SPECC1: variants seen among roughly 807,000 people sequenced by gnomAD.
The protein encoded by SPECC1 is cytospin-B.
A neutral mutation model predicts 104.1 loss-of-function variants in SPECC1; 62 were observed. That is an observed-to-expected ratio of 0.60 (90% CI 0.49 to 0.74). The LOEUF (loss-of-function observed/expected upper bound fraction) is 0.74. Among genes scored for constraint, SPECC1 ranks in the 30% least tolerant of loss-of-function variants. The pLI is 0.00. For missense variants in SPECC1, 1,306 were observed against 1,310.5 expected, an observed-to-expected ratio of 1.00 and a Z score of 0.05; for synonymous variants, 513 against 501.6, an observed-to-expected ratio of 1.02 and a Z score of -0.30.
At position 20,249,771 on chromosome 17, in the gene SPECC1, G is replaced by C. The variant is rs1301832355; in HGVS notation, c.2598+2452G>C. The stretch of plus-strand genomic sequence containing the variant: ...GTATAAATATCTGAACTGAAGCACA[G>C]AGAAAAAGGATAGGAAATAGAGAAA... On this transcript the variant is annotated intron_variant, in intron 9 of 14. Transcript: ENST00000395527. 2.0e-5 allele frequency among the ~76,000 whole-genome samples: 3 copies of C among 152,120 alleles called. No homozygotes were observed. In the East Asian group the frequency reaches 5.8e-4, roughly 29 times the overall value.
chr17:20,027,619 G>A (rs1319503984), intron 1 of SPECC1, among the ~76,000 whole-genome samples: 1 of 152,028 alleles, frequency 6.6e-6, no homozygotes, highest in Non-Finnish European at 1.5e-5. Context: ...GAGAGATAGG[G>A]GTCTAGTTTT....
At chr17:20,203,616 C>G (rs2036576821) in intron 3 of SPECC1, among the ~76,000 whole-genome samples, 1 of 152,204 alleles carries the variant, frequency 6.6e-6, no homozygotes, top group African/African-American at 2.4e-5. Context: ...TCAGTATTAT[C>G]TGTATCTTCT....
intron 12 of SPECC1, among the ~76,000 whole-genome samples, chr17:20,288,346 G>C (rs939085578): frequency 3.3e-5 from 5 of 151,882 alleles, no homozygotes; most frequent in Non-Finnish European, 5.9e-5. Context: ...TTTTCTTCTA[G>C]ATCTTTGAGG....
intron 1 of SPECC1, among the ~76,000 whole-genome samples, chr17:20,078,928 G>A (rs1041172571): frequency 2.0e-5 from 3 of 152,170 alleles, no homozygotes; most frequent in African/African-American, 7.2e-5. Context: ...CTGAATTTGT[G>A]CATTTGTATA....
intron 3 of SPECC1, among the ~76,000 whole-genome samples, chr17:20,123,271 T>C (rs1030719756): frequency 9.9e-5 from 15 of 152,240 alleles, no homozygotes; most frequent in Admixed American, 2.0e-4. Context: ...GTCACTATTT[T>C]AAACTGATAT....
At chr17:20,116,613 G>A (rs1365700189) in intron 3 of SPECC1, among the ~76,000 whole-genome samples, 1 of 151,964 alleles carries the variant, frequency 6.6e-6, no homozygotes, top group Non-Finnish European at 1.5e-5. Context: ...ATTAAACTTA[G>A]TACAAGATAT....
chr17:20,051,074 T>TTCTTTC (rs144194695), intron 1 of SPECC1, among the ~76,000 whole-genome samples: 4 of 64,286 alleles, frequency 6.2e-5, no homozygotes, highest in South Asian at 6.5e-4. Context: ...TTCTTTTTCT[T>TTCTTTC]TCTTTCTTTC....
At chr17:20,239,344 CA>C (rs141841808) in intron 7 of SPECC1, 65,473 of 956,284 alleles carry the variant, frequency 0.068, 2,445 homozygotes, top group Non-Finnish European at 0.076. Context: ...TCAGTGTTAA[CA>C]GTGTGTACAT....
At chr17:20,255,664 C>G (rs2039798749) in intron 10 of SPECC1, among the ~76,000 whole-genome samples, 1 of 152,154 alleles carries the variant, frequency 6.6e-6, no homozygotes, top group Non-Finnish European at 1.5e-5. Flanking sequence ...CATCTGGCCT[C>G]AAATGATCCT....
At chr17:20,211,973 T>C (rs1397564341) in intron 4 of SPECC1, among the ~76,000 whole-genome samples, 1 of 152,194 alleles carries the variant, frequency 6.6e-6, no homozygotes, top group African/African-American at 2.4e-5. Flanking sequence ...CCAGTCCGAG[T>C]TCTTGGGAAG....
chr17:20,268,185 A>G lies in SPECC1; in HGVS notation c.2940+7891A>G, dbSNP rs543247427. 2.6e-5 allele frequency among the ~76,000 whole-genome samples: 4 copies of G among 152,274 alleles called. No homozygotes were observed. In the South Asian group the frequency reaches 8.3e-4, roughly 32 times the overall value. On this transcript the variant is annotated intron_variant, in intron 12 of 14. Transcript: ENST00000395527. ...GTATCTGTTCCACTTTTGAAATTGT[A>G]TGGCAAGAATTCAGATAGCAGGCGA...
chr17:20,097,352 G>A (rs2047701085), intron 2 of SPECC1, among the ~76,000 whole-genome samples: 1 of 152,174 alleles, frequency 6.6e-6, no homozygotes, highest in Admixed American at 6.5e-5. Flanking sequence ...GCAAAGCCTA[G>A]TGCCTCCTTA....
intron 4 of SPECC1, among the ~76,000 whole-genome samples, chr17:20,218,345 G>C (rs902442416): frequency 1.3e-5 from 2 of 151,976 alleles, no homozygotes; most frequent in African/African-American, 4.8e-5. Flanking sequence ...GGAATACAAG[G>C]CTTGATTCAC....
chr17:20,043,962 G>A (rs62067482), intron 1 of SPECC1, among the ~76,000 whole-genome samples: 34,414 of 152,024 alleles, frequency 0.23, 4,749 homozygotes, highest in Middle Eastern at 0.35. Context: ...TGGGAGCCAG[G>A]AGAGTATCTT....
chr17:20,314,465 G>A lies in SPECC1; in HGVS notation c.*400G>A. The A allele has an allele frequency of 3.2e-6, 1 of 309,012 alleles. No homozygotes were observed. The highest frequency in any genetic ancestry group is 6.2e-6 in the Non-Finnish European group (1 of 160,542). The allele number at this position is 309,012 out of a possible 1,614,324, so 19.1% of individuals were successfully genotyped here. A position where few individuals can be genotyped will look rare whatever the true frequency, so the allele number is the denominator to read the frequency against. ...GGTTGCTGTTGTTAAAAATATCCCG[G>A]CTTTGCCTTTATGAAACCTTTGCCC... On this transcript the variant is annotated 3_prime_UTR_variant, in exon 15 of 15. Coordinates refer to ENST00000395527, the MANE Select transcript of SPECC1 (RefSeq NM_001243439.2).
rs1380740025 is a variant in SPECC1, at chr17:20,276,845, G to A, written c.2940+16551G>A. 2.0e-5 allele frequency among the ~76,000 whole-genome samples: 3 copies of A among 152,256 alleles called. No homozygotes were observed. In the South Asian group the frequency reaches 6.2e-4, roughly 32 times the overall value. ...GAAACAGCCCCGTCGGCCCCTTTGG[G>A]GTCAGAAGTCAGAATTGGAGGCAGG... is the stretch of plus-strand genomic sequence containing the variant. On this transcript the variant is annotated intron_variant, in intron 12 of 14. Coordinates refer to ENST00000395527, the MANE Select transcript of SPECC1 (RefSeq NM_001243439.2).
At chr17:20,053,165 G>A (rs372753625) in intron 1 of SPECC1, among the ~76,000 whole-genome samples, 42 of 152,100 alleles carry the variant, frequency 2.8e-4, no homozygotes, top group African/African-American at 9.2e-4. Context: ...GAATTCCACC[G>A]AAATTTCCTA....
At chr17:20,228,491 T>C (rs2038373562) in intron 5 of SPECC1, among the ~76,000 whole-genome samples, 1 of 152,200 alleles carries the variant, frequency 6.6e-6, no homozygotes, top group African/African-American at 2.4e-5. Context: ...GGACCCTTCC[T>C]AAGGATATTT....
chr17:20,301,153 T>C (rs2098270210), intron 13 of SPECC1, among the ~76,000 whole-genome samples: 1 of 152,266 alleles, frequency 6.6e-6, no homozygotes, highest in Non-Finnish European at 1.5e-5. Context: ...CTATCACAGT[T>C]ACGGGTGTGG....
Sources: gnomAD v4.1 joint callset for allele counts (sites outside exome capture counted in the v4.1 genomes callset) on GRCh38, gnomAD v4.1.1 for gene constraint, MANE v1.5 for transcripts, NCBI Gene and HGNC (gene_info 2026-07-23, HGNC 2026-07-21) for gene names.